RXRA: variants seen among roughly 807,000 people sequenced by gnomAD.
RXRA encodes retinoic acid receptor RXR-alpha.
RXRA carries 5 observed loss-of-function variants against 44.5 expected under a neutral mutation model. That is an observed-to-expected ratio of 0.11 (90% CI 0.06 to 0.24). The LOEUF is 0.24. RXRA is among the 10% of genes least tolerant of loss of function. The pLI is 1.00. For missense variants in RXRA, 412 were observed against 646.5 expected (o/e 0.64, Z 3.93); for synonymous variants, 291 against 271.4 (o/e 1.07, Z -0.71).
intron 1 of RXRA, among the ~76,000 whole-genome samples, chr9:134,348,633 C>T (rs1388149467): frequency 6.6e-6 from 1 of 152,226 alleles, no homozygotes. Flanking sequence ...TGTGGCACTG[C>T]GATGGAGGGC....
rs748201685 is a variant in RXRA at position 134,436,664 on chromosome 9, A to T, written c.*50A>T. On this transcript the variant is annotated 3_prime_UTR_variant, in exon 10 of 10. Coordinates refer to ENST00000481739, the MANE Select transcript of RXRA (RefSeq NM_002957.6). The stretch of plus-strand genomic sequence containing the variant: ...CACCCGTTCTGGCCACCCTGCCTGG[A>T]CGCCAGCTGTTCTTCTCAGCCTGAG... The T allele has an allele frequency of 3.1e-5, 50 of 1,606,836 alleles. No homozygotes were observed. Among genetic ancestry groups the T allele is most frequent in the Non-Finnish European group, 3.4e-6 (4 of 1,175,936 alleles).
chr9:134,380,486 G>A (rs1830627054), intron 1 of RXRA, among the ~76,000 whole-genome samples: 1 of 83,744 alleles, frequency 1.2e-5, no homozygotes, highest in Non-Finnish European at 3.1e-5. Flanking sequence ...CCGCCTGTCA[G>A]GTGGGCGGCC....
intron 1 of RXRA, among the ~76,000 whole-genome samples, chr9:134,386,784 C>T (rs111276985): frequency 2.6e-5 from 4 of 152,278 alleles, no homozygotes; most frequent in African/African-American, 9.6e-5. Flanking sequence ...CACTTTGTTC[C>T]AGAAGAAAGA....
At chr9:134,347,325 CG>C (rs1413603695) in intron 1 of RXRA, among the ~76,000 whole-genome samples, 3 of 152,216 alleles carry the variant, frequency 2.0e-5, no homozygotes, top group Non-Finnish European at 4.4e-5. Flanking sequence ...GCAGATGACG[CG>C]CCCTGCCGCG....
At chr9:134,327,810 A>G (rs191183816) in intron 1 of RXRA, among the ~76,000 whole-genome samples, 1 of 152,168 alleles carries the variant, frequency 6.6e-6, no homozygotes, top group Non-Finnish European at 1.5e-5. Context: ...TGCTACTCAC[A>G]GGCAGGTGTG....
Position 134,342,043 on chromosome 9 carries a change from C to G in RXRA, c.28+15384C>G, listed in dbSNP as rs1564261475. On this transcript the variant is annotated intron_variant, in intron 1 of 9. Transcript: ENST00000481739. This position sits in a 1 kb window ranked among gnomAD's most constrained non-coding sequence, Gnocchi z 4.4. The stretch of plus-strand genomic sequence containing the variant: ...AGAGCATCCGGCTAGCTGGAGCCTG[C>G]CTGTGGTGGGTGTTGCTGGCTGGGG... Among the ~76,000 whole-genome samples, 1 of 152,142 alleles carries G rather than the reference C, an allele frequency of 6.6e-6. No homozygotes were observed. Among genetic ancestry groups the G allele is most frequent in the Non-Finnish European group, 1.5e-5 (1 of 68,030 alleles).
intron 1 of RXRA, among the ~76,000 whole-genome samples, chr9:134,361,677 A>G (rs1173988177): frequency 4.6e-5 from 7 of 152,214 alleles, no homozygotes; most frequent in African/African-American, 1.7e-4. Flanking sequence ...TTGCCGAACA[A>G]GCACCTAATG....
intron 6 of RXRA, among the ~76,000 whole-genome samples, chr9:134,427,654 G>A (rs1017013628): frequency 1.3e-5 from 2 of 152,202 alleles, no homozygotes; most frequent in African/African-American, 4.8e-5. Flanking sequence ...GAATGGGGAC[G>A]GTGACACCTG....
At chr9:134,390,844 G>A (rs920635088) in intron 1 of RXRA, among the ~76,000 whole-genome samples, 2 of 152,228 alleles carry the variant, frequency 1.3e-5, no homozygotes, top group East Asian at 3.8e-4. Flanking sequence ...CGGCTCAGGT[G>A]CGTGGGTGGT....
At chr9:134,394,795 C>T (rs1384460732) in intron 1 of RXRA, among the ~76,000 whole-genome samples, 2 of 152,186 alleles carry the variant, frequency 1.3e-5, no homozygotes, top group East Asian at 1.9e-4. Context: ...GGACAAGGTC[C>T]CCACCATGGG....
Position 134,363,170 on chromosome 9 carries a change from C to T in RXRA, c.28+36511C>T, listed in dbSNP as rs561874846. The stretch of plus-strand genomic sequence containing the variant: ...TGTGCCCTGTGCCTGTTGGATGCCA[C>T]GTTCTCCCCATGGGGACCTTTTGGG... On this transcript the variant is annotated intron_variant, in intron 1 of 9. Transcript: ENST00000481739. 2.6e-4 allele frequency among the ~76,000 whole-genome samples: 39 copies of T among 152,332 alleles called. 1 individual carries two copies. The South Asian group carries it at 5.8e-3, about 23-fold the overall frequency.
intron 1 of RXRA, among the ~76,000 whole-genome samples, chr9:134,340,879 C>G (rs782027949): frequency 6.6e-6 from 1 of 152,116 alleles, no homozygotes; most frequent in African/African-American, 2.4e-5. Context: ...CGCTTTGGTG[C>G]GAATGAGCCT....
intron 1 of RXRA, among the ~76,000 whole-genome samples, chr9:134,350,447 G>T (rs1830207620): frequency 6.6e-6 from 1 of 152,210 alleles, no homozygotes; most frequent in African/African-American, 2.4e-5. Context: ...CACCTGCGTG[G>T]CGTGCTGGTG....
chr9:134,340,316 A>G (rs537797214), intron 1 of RXRA, among the ~76,000 whole-genome samples: 58 of 152,262 alleles, frequency 3.8e-4, no homozygotes, highest in African/African-American at 1.4e-3. Flanking sequence ...GGCTGCAGGC[A>G]GATATATGTT....
chr9:134,399,393 A>G (rs1401025111), intron 1 of RXRA, among the ~76,000 whole-genome samples: 2 of 152,206 alleles, frequency 1.3e-5, no homozygotes, highest in Non-Finnish European at 2.9e-5. Context: ...GGAATCAGTA[A>G]CATCAGGTTA....
At chr9:134,367,689 TGGGGCACCATGGTCCCCCAA>T (rs1048137696) in intron 1 of RXRA, among the ~76,000 whole-genome samples, 1 of 152,176 alleles carries the variant, frequency 6.6e-6, no homozygotes, top group African/African-American at 2.4e-5. Context: ...AGGGGGTGTG[TGGGGCACCATGGTCCCCCAA>T]GGGGCACAGA....
chr9:134,413,237 G>A (rs1358132478), intron 4 of RXRA, among the ~76,000 whole-genome samples: 2 of 152,156 alleles, frequency 1.3e-5, no homozygotes, highest in Non-Finnish European at 2.9e-5. Flanking sequence ...TGGTGGGGTT[G>A]GAGAGCAGTG....
chr9:134,412,043 C>T (rs1831157754), intron 4 of RXRA, among the ~76,000 whole-genome samples: 1 of 152,210 alleles, frequency 6.6e-6, no homozygotes, highest in Non-Finnish European at 1.5e-5. Flanking sequence ...CCCCTTGGCT[C>T]CAGATGGGTC....
At chr9:134,328,086 GTC>G (rs1834944723) in intron 1 of RXRA, among the ~76,000 whole-genome samples, 2 of 152,172 alleles carry the variant, frequency 1.3e-5, no homozygotes, top group Non-Finnish European at 2.9e-5. Flanking sequence ...ATGCTGCGCT[GTC>G]TGTGACCGAG....
Sources: gnomAD v4.1 joint callset for allele counts (sites outside exome capture counted in the v4.1 genomes callset) on GRCh38, gnomAD v4.1.1 for gene constraint, Gnocchi (gnomAD v3.1) non-coding constraint, MANE v1.5 for transcripts, NCBI Gene and HGNC (gene_info 2026-07-23, HGNC 2026-07-21) for gene names.